The following NRXN1 variants were observed in gnomAD, a reference collection of about 807,000 sequenced individuals.
NRXN1 encodes neurexin 1.
In NRXN1, 39 loss-of-function variants were observed where a neutral mutation model predicts 150.9. The observed-to-expected ratio is 0.26, with a 90% CI of 0.20 to 0.34. NRXN1 has a LOEUF of 0.34. NRXN1 is among the 10% of genes least tolerant of loss of function. The probability of loss-of-function intolerance (pLI) is 1.00; values close to 1 mark genes in which losing one functional copy is unlikely to be tolerated. For missense variants in NRXN1, 1,815 were observed against 1,949.9 expected (o/e 0.93, Z 1.30); for synonymous variants, 924 against 757.0 (o/e 1.22, Z -3.62).
At chr2:50,621,106 C>A in intron 7 of NRXN1, 120 bp downstream of exon 7, 3 of 799,390 alleles carry the variant, frequency 3.8e-6, no homozygotes, top group Non-Finnish European at 5.8e-6. Flanking sequence ...AGAAGAGTAC[C>A]AACCGCAGTT....
chr2:50,634,669 G>T (rs1682960715), intron 5 of NRXN1, among the ~76,000 whole-genome samples: 1 of 152,062 alleles, frequency 6.6e-6, no homozygotes, highest in South Asian at 2.1e-4. Flanking sequence ...TAATTTATAA[G>T]TTAATCATGT....
intron 17 of NRXN1, among the ~76,000 whole-genome samples, chr2:50,389,800 T>C (rs2081568161): frequency 6.6e-6 from 1 of 152,168 alleles, no homozygotes; most frequent in South Asian, 2.1e-4. Context: ...TGGAATGTAG[T>C]GGATATACAT....
At chr2:49,997,072 C>T (rs766918417) in intron 21 of NRXN1, among the ~76,000 whole-genome samples, 41 of 152,042 alleles carry the variant, frequency 2.7e-4, no homozygotes, top group Non-Finnish European at 5.6e-4. Context: ...ATACAGAAAA[C>T]CCACAAAGAG....
At chr2:50,069,997 C>T (rs1695994047) in intron 19 of NRXN1, among the ~76,000 whole-genome samples, 1 of 151,730 alleles carries the variant, frequency 6.6e-6, no homozygotes, top group African/African-American at 2.4e-5. Context: ...ACTACAGGCA[C>T]CCGCCACCAC....
intron 5 of NRXN1, among the ~76,000 whole-genome samples, chr2:50,842,634 A>C (rs966294166): frequency 1.2e-4 from 18 of 152,340 alleles, no homozygotes; most frequent in African/African-American, 4.1e-4. Flanking sequence ...GTGTAGTTTG[A>C]TCAATTTGTC....
chr2:50,746,373 C>A (rs774669095), intron 5 of NRXN1, among the ~76,000 whole-genome samples: 3 of 151,898 alleles, frequency 2.0e-5, no homozygotes, highest in Non-Finnish European at 2.9e-5. Context: ...GCCTGGGCAA[C>A]ATAATGAAAC....
In NRXN1 at chr2:50,448,961, T is replaced by A. The variant is rs901491880; in HGVS notation, c.3364+16481A>T. On this transcript the variant is annotated intron_variant, in intron 17 of 22. Coordinates refer to ENST00000401669, the MANE Select transcript of NRXN1 (RefSeq NM_001330078.2). ...CCTATGGAAAGCTGGATATTTATTT[T>A]TTCATGAACGCCAAATGACTGACTC... Among the ~76,000 whole-genome samples, 8 of 152,306 alleles carry A rather than the reference T, an allele frequency of 5.3e-5. No homozygotes were observed. The East Asian group carries it at 1.5e-3, about 29-fold the overall frequency.
chr2:50,809,349 TC>T (rs780725066), intron 5 of NRXN1, among the ~76,000 whole-genome samples: 11 of 152,008 alleles, frequency 7.2e-5, no homozygotes, highest in Non-Finnish European at 1.6e-4. Flanking sequence ...CTGTCCCAAA[TC>T]CTCTCGCTAA....
chr2:50,090,522 T>C (rs34318047), intron 19 of NRXN1, among the ~76,000 whole-genome samples: 1 of 152,128 alleles, frequency 6.6e-6, no homozygotes, highest in Non-Finnish European at 1.5e-5. Flanking sequence ...AATATCTTTA[T>C]ACTTTTAATT....
At position 50,201,206 on chromosome 2, in the gene NRXN1, A is replaced by G. The variant is rs141958203; in HGVS notation, c.3546+35583T>C. 2.1e-4 allele frequency among the ~76,000 whole-genome samples: 32 copies of G among 152,296 alleles called. No homozygotes were observed. In the South Asian group the frequency reaches 2.9e-3, roughly 14 times the overall value. The stretch of plus-strand genomic sequence containing the variant: ...ACTGCTATGCAATAAATTACAATCT[A>G]ATGAGGAGCATAAAAAACACAATAA... On this transcript the variant is annotated intron_variant, in intron 18 of 22. Transcript: ENST00000401669.
rs190672563 is a variant in NRXN1, at chr2:50,343,468, A to C, written c.3365-106498T>G. Among the ~76,000 whole-genome samples the C allele has an allele frequency of 2.8e-3, 425 of 152,272 alleles. 3 individuals are homozygous for C. The highest frequency in any genetic ancestry group is 9.7e-3 in the African/African-American group (405 of 41,542). ...AGTTCTCCCTCTATTTAACTAGAAAAAAAAAACACAATTTTTCTATGGAGG... is the reference window on the plus strand; with the variant it reads ...AGTTCTCCCTCTATTTAACTAGAAACAAAAAACACAATTTTTCTATGGAGG... On this transcript the variant is annotated intron_variant, in intron 17 of 22. Transcript: ENST00000401669.
intron 17 of NRXN1, among the ~76,000 whole-genome samples, chr2:50,297,925 C>T (rs2073775917): frequency 6.6e-6 from 1 of 152,084 alleles, no homozygotes; most frequent in African/African-American, 2.4e-5. Context: ...AAAACAAAAT[C>T]CGGGCACTTG....
intron 18 of NRXN1, among the ~76,000 whole-genome samples, chr2:50,131,068 T>C (rs1705408492): frequency 6.6e-6 from 1 of 152,218 alleles, no homozygotes; most frequent in Non-Finnish European, 1.5e-5. Context: ...TGAGCACCTC[T>C]GAAACTCATT....
At chr2:50,589,307 G>C (rs899067480) in intron 8 of NRXN1, 1 of 152,272 alleles carries the variant, frequency 6.6e-6, no homozygotes, top group Non-Finnish European at 1.5e-5. Context: ...ATAGCCCCTA[G>C]AATGGAGGAG....
intron 2 of NRXN1, among the ~76,000 whole-genome samples, chr2:50,941,912 T>C (rs10182654): frequency 0.14 from 21,208 of 152,102 alleles, 1,773 homozygotes; most frequent in East Asian, 0.35. Context: ...AAGGAAAATA[T>C]CTCCAGGACA....
At chr2:50,762,595 G>T (rs1701929510) in intron 5 of NRXN1, among the ~76,000 whole-genome samples, 1 of 151,880 alleles carries the variant, frequency 6.6e-6, no homozygotes, top group African/African-American at 2.4e-5. Flanking sequence ...TACGGTATTT[G>T]GTTCACTGTT....
chr2:50,447,910 A>G (rs2086605417), intron 17 of NRXN1, among the ~76,000 whole-genome samples: 1 of 151,380 alleles, frequency 6.6e-6, no homozygotes, highest in African/African-American at 2.4e-5. Context: ...CCCATGGGTT[A>G]TTAAGTCTGA....
chr2:50,878,008 G>C (rs997149557), intron 5 of NRXN1, among the ~76,000 whole-genome samples: 2 of 150,312 alleles, frequency 1.3e-5, no homozygotes, highest in Non-Finnish European at 3.0e-5. Flanking sequence ...ATTCCAAAGG[G>C]ACTGCAAGTT....
intron 17 of NRXN1, among the ~76,000 whole-genome samples, chr2:50,384,094 G>C (rs368254726): frequency 6.6e-6 from 1 of 152,128 alleles, no homozygotes; most frequent in East Asian, 1.9e-4. Flanking sequence ...CTTTTTATCT[G>C]TTTCTGCCTT....
Sources: allele counts gnomAD v4.1 joint callset (sites outside exome capture counted in the v4.1 genomes callset), GRCh38; gene constraint gnomAD v4.1.1; transcripts MANE v1.5; gene names NCBI Gene and HGNC (gene_info 2026-07-23, HGNC 2026-07-21).